Variants in ATP8B4 observed in about 807,000 individuals in gnomAD.
The protein encoded by ATP8B4 is ATPase phospholipid transporting 8B4 (putative).
Under a neutral mutation model 145.6 loss-of-function variants are expected in ATP8B4, and 133 were observed. The ratio of observed to expected loss-of-function variants is 0.91; its 90% CI spans 0.79 to 1.05. The LOEUF (loss-of-function observed/expected upper bound fraction) is 1.05. Among genes scored for constraint, ATP8B4 ranks in the 50% least tolerant of loss-of-function variants. ATP8B4 has a pLI of 0.00. For synonymous variants in ATP8B4, 507 were observed against 492.9 expected (o/e 1.03, Z -0.38); for missense variants, 1,458 against 1,425.2 (o/e 1.02, Z -0.37).
intron 3 of ATP8B4, among the ~76,000 whole-genome samples, chr15:50,057,255 G>A (rs1376288582): frequency 6.6e-6 from 1 of 152,146 alleles, no homozygotes; most frequent in Non-Finnish European, 1.5e-5. Flanking sequence ...GCGCTATGCT[G>A]AACACTATAT....
chr15:49,982,737 T>C (rs983520352), intron 10 of ATP8B4, among the ~76,000 whole-genome samples: 1 of 152,170 alleles, frequency 6.6e-6, no homozygotes, highest in African/African-American at 2.4e-5. Flanking sequence ...TAACCACAAA[T>C]GTTTATATGC....
rs2035046889 is a variant in ATP8B4, at chr15:49,879,512, T to C, written c.2698-53A>G. ...GAAACATCATCCATAGTAGTGAGAA[T>C]ATTCACATTTAGGTTAAATAACCAG... is the stretch of plus-strand genomic sequence containing the variant. On this transcript the variant is annotated intron_variant, in intron 23 of 27. Coordinates refer to ENST00000284509, the MANE Select transcript of ATP8B4 (RefSeq NM_024837.4). 2.7e-6 allele frequency: 4 copies of C among 1,460,536 alleles called. No homozygotes were observed. The East Asian group carries it at 9.3e-5, about 34-fold the overall frequency. 90.5% of individuals were successfully genotyped at this position (1,460,536 alleles called of 1,614,324 possible).
intron 1 of ATP8B4, among the ~76,000 whole-genome samples, chr15:50,176,422 T>G (rs2044763825): frequency 1.3e-5 from 2 of 152,116 alleles, no homozygotes; most frequent in Admixed American, 1.3e-4. Context: ...CAGTGTATAC[T>G]GCTCAGGTCA....
chr15:49,862,123 C>G lies in ATP8B4; in HGVS notation c.3297+122G>C, dbSNP rs921426577. 14 of 1,244,164 alleles carry G rather than the reference C, an allele frequency of 1.1e-5. No individual in the cohort carries two copies. The Admixed American group carries it at 3.0e-4, about 27-fold the overall frequency. The allele number at this position is 1,244,164 out of a possible 1,614,324, so 77.1% of individuals were successfully genotyped here. ...TCTATTCTGATGTGATCTCATGCAC[C>G]AGTAGGTGTTTGCTTGTGACAATTT... On this transcript the variant is annotated intron_variant, in intron 27 of 27. Transcript: ENST00000284509.
intron 1 of ATP8B4, among the ~76,000 whole-genome samples, chr15:50,156,139 A>T (rs62020272): frequency 0.16 from 5,373 of 32,802 alleles, 607 homozygotes; most frequent in Non-Finnish European, 0.24. Flanking sequence ...TATATATATA[A>T]ATATATATAT....
chr15:50,102,391 A>G (rs2056419138), intron 2 of ATP8B4, among the ~76,000 whole-genome samples: 1 of 152,186 alleles, frequency 6.6e-6, no homozygotes, highest in Non-Finnish European at 1.5e-5. Context: ...AATAAGCTCA[A>G]TTAGAAATGA....
chr15:50,049,981 CATAGCAA>C (rs1028732115), intron 3 of ATP8B4, among the ~76,000 whole-genome samples: 59 of 152,284 alleles, frequency 3.9e-4, no homozygotes, highest in African/African-American at 1.2e-3. Context: ...CTTCTTGCCA[CATAGCAA>C]ATTCCATGCC....
intron 3 of ATP8B4, among the ~76,000 whole-genome samples, chr15:50,063,202 A>C (rs2053150988): frequency 6.6e-6 from 1 of 152,156 alleles, no homozygotes; most frequent in African/African-American, 2.4e-5. Context: ...CTAGCTAAGT[A>C]AACAAAATGT....
intron 3 of ATP8B4, among the ~76,000 whole-genome samples, chr15:50,061,474 A>G (rs1460439897): frequency 2.0e-5 from 3 of 152,230 alleles, no homozygotes; most frequent in Non-Finnish European, 4.4e-5. Context: ...AGTAATAACT[A>G]TTTGTTGATA....
At chr15:49,972,373 TC>T (rs1445589094) in intron 13 of ATP8B4, among the ~76,000 whole-genome samples, 5 of 152,178 alleles carry the variant, frequency 3.3e-5, no homozygotes, top group Non-Finnish European at 7.3e-5. Context: ...CAAAGTTTCA[TC>T]TAAATTACTC....
At chr15:49,976,022 T>C (rs1466386742) in intron 12 of ATP8B4, among the ~76,000 whole-genome samples, 1 of 152,200 alleles carries the variant, frequency 6.6e-6, no homozygotes, top group Non-Finnish European at 1.5e-5. Flanking sequence ...TTTCTGGTTA[T>C]AAATTATATG....
At position 50,172,609 on chromosome 15, in the gene ATP8B4, C is replaced by G. The variant is rs536561535; in HGVS notation, c.-43+9652G>C. ...GTGTCTCTGCCTGGCCGCCCATCGT[C>G]TGGGATGTGAGGAGCCCCTCTGCCC... On this transcript the variant is annotated intron_variant, in intron 1 of 3. Coordinates refer to the ATP8B4 transcript ENST00000558829. Among the ~76,000 whole-genome samples, 5 of 151,738 alleles carry G rather than the reference C, an allele frequency of 3.3e-5. No homozygotes were observed. In the South Asian group the frequency reaches 1.0e-3, roughly 32 times the overall value.
At chr15:49,979,058 T>A (rs2045936043) in intron 12 of ATP8B4, among the ~76,000 whole-genome samples, 1 of 152,154 alleles carries the variant, frequency 6.6e-6, no homozygotes, top group Non-Finnish European at 1.5e-5. Context: ...CATTAAGCTT[T>A]TATAATGTGT....
At chr15:50,151,019 G>A (rs544333555) in intron 1 of ATP8B4, among the ~76,000 whole-genome samples, 2 of 152,312 alleles carry the variant, frequency 1.3e-5, no homozygotes, top group South Asian at 2.1e-4. Flanking sequence ...GATTAAATCT[G>A]TCTGTGGCAT....
At chr15:50,015,003 G>C (rs1386784479) in intron 6 of ATP8B4, among the ~76,000 whole-genome samples, 1 of 152,140 alleles carries the variant, frequency 6.6e-6, no homozygotes, top group African/African-American at 2.4e-5. Flanking sequence ...CCATCAATAG[G>C]AATTAGATAG....
intron 2 of ATP8B4, among the ~76,000 whole-genome samples, chr15:50,078,207 A>T (rs917771895): frequency 6.6e-6 from 1 of 150,912 alleles, no homozygotes; most frequent in Non-Finnish European, 1.5e-5. Context: ...GTGCCACTGC[A>T]TACCACTCTG....
chr15:50,114,103 C>CTTTCTTTTT (rs1555494034), intron 1 of ATP8B4, among the ~76,000 whole-genome samples: 14 of 55,656 alleles, frequency 2.5e-4, no homozygotes, highest in Non-Finnish European at 3.4e-4. Flanking sequence ...CTCCTAGTTT[C>CTTTCTTTTT]TTTTTTTTTT....
chr15:49,966,768 C>T (rs182003659), intron 13 of ATP8B4, among the ~76,000 whole-genome samples: 1 of 152,330 alleles, frequency 6.6e-6, no homozygotes, highest in East Asian at 1.9e-4. Context: ...TCCAGCTCTG[C>T]TAAGGGACAG....
At chr15:50,006,592 C>T (rs1232344327) in intron 7 of ATP8B4, among the ~76,000 whole-genome samples, 1 of 151,752 alleles carries the variant, frequency 6.6e-6, no homozygotes, top group African/African-American at 2.4e-5. Flanking sequence ...GAGCAAAAGC[C>T]CACCCCAGTC....
Sources: allele counts gnomAD v4.1 joint callset (sites outside exome capture counted in the v4.1 genomes callset), GRCh38; gene constraint gnomAD v4.1.1; transcripts MANE v1.5; gene names NCBI Gene and HGNC (gene_info 2026-07-23, HGNC 2026-07-21).